The following CALN1 variants were observed in gnomAD, a reference collection of about 807,000 sequenced individuals.
CALN1 encodes calcium-binding protein 8.
A neutral mutation model predicts 30.6 loss-of-function variants in CALN1; 17 were observed. The ratio of observed to expected loss-of-function variants is 0.56; its 90% CI spans 0.38 to 0.83. The LOEUF (loss-of-function observed/expected upper bound fraction) is 0.83. Ranked by LOEUF, CALN1 falls within the 40% of genes least tolerant of loss-of-function variation. CALN1 has a pLI of 0.00. For missense variants in CALN1, 291 were observed against 354.9 expected (o/e 0.82, Z 1.45); for synonymous variants, 156 against 131.4 (o/e 1.19, Z -1.28).
At chr7:72,260,219 A>C (rs1171688988) in intron 3 of CALN1, among the ~76,000 whole-genome samples, 1 of 152,216 alleles carries the variant, frequency 6.6e-6, no homozygotes, top group Non-Finnish European at 1.5e-5. Context: ...AAAATATAAA[A>C]TAAAGCAAAA....
At chr7:72,056,455 A>C (rs1405484904) in intron 4 of CALN1, among the ~76,000 whole-genome samples, 1 of 152,180 alleles carries the variant, frequency 6.6e-6, no homozygotes, top group Non-Finnish European at 1.5e-5. Flanking sequence ...TTAGTTAACA[A>C]ATGGTGCTGA....
At chr7:72,106,612 G>A (rs565785839) in intron 3 of CALN1, among the ~76,000 whole-genome samples, 6 of 144,726 alleles carry the variant, frequency 4.1e-5, no homozygotes, top group African/African-American at 1.3e-4. Flanking sequence ...GGAATGAAGG[G>A]AGGAAAAAAG....
intron 5 of CALN1, among the ~76,000 whole-genome samples, chr7:71,894,684 G>C (rs1255224407): frequency 1.3e-5 from 2 of 152,136 alleles, no homozygotes; most frequent in East Asian, 3.8e-4. Context: ...AGAGCACAAT[G>C]ATCTATGCAT....
intron 3 of CALN1, among the ~76,000 whole-genome samples, chr7:72,140,726 C>A (rs1809866454): frequency 6.6e-6 from 1 of 152,172 alleles, no homozygotes; most frequent in South Asian, 2.1e-4. Flanking sequence ...CTGGGGTGGC[C>A]TTGGCAGGGC....
At chr7:71,790,681 TGA>T (rs1013099452) in intron 6 of CALN1, among the ~76,000 whole-genome samples, 2 of 152,234 alleles carry the variant, frequency 1.3e-5, no homozygotes, top group African/African-American at 2.4e-5. Flanking sequence ...CAGCGCCAGC[TGA>T]GAGTTTGATA....
chr7:72,328,986 C>A (rs1253736241), intron 2 of CALN1, among the ~76,000 whole-genome samples: 1 of 152,258 alleles, frequency 6.6e-6, no homozygotes, highest in Non-Finnish European at 1.5e-5. Context: ...CGTAAGCCAA[C>A]GTGCCCAGCC....
chr7:72,298,089 C>A (rs917480388), intron 2 of CALN1, among the ~76,000 whole-genome samples: 1 of 152,156 alleles, frequency 6.6e-6, no homozygotes, highest in African/African-American at 2.4e-5. Flanking sequence ...AATGTTCTTT[C>A]CACAGCATAA....
intron 5 of CALN1, among the ~76,000 whole-genome samples, chr7:71,919,842 G>A (rs1268621342): frequency 3.9e-5 from 6 of 152,186 alleles, no homozygotes; most frequent in African/African-American, 1.4e-4. Flanking sequence ...AGTTGAAGCT[G>A]AACTCAAACT....
At chr7:72,358,835 G>A (rs925677214) in intron 2 of CALN1, among the ~76,000 whole-genome samples, 1 of 151,932 alleles carries the variant, frequency 6.6e-6, no homozygotes, top group Non-Finnish European at 1.5e-5. Context: ...TATAATGCCT[G>A]TAATCCCAGC....
At chr7:72,487,947 AAGGAAGGAAAGGAAGG>A in the CALN1 span, among the ~76,000 whole-genome samples, 3 of 63,416 alleles carry the variant, frequency 4.7e-5, no homozygotes, top group African/African-American at 1.6e-4. Context: ...GGAAGGAAGG[AAGGAAGGAAAGGAAGG>A]AAGGAAGGAA....
intron 3 of CALN1, among the ~76,000 whole-genome samples, chr7:72,107,172 T>C (rs1036679827): frequency 1.3e-5 from 2 of 151,994 alleles, no homozygotes; most frequent in Admixed American, 6.6e-5. Flanking sequence ...AGATGAGGAT[T>C]TGGTTTCAGC....
intron 2 of CALN1, 35 bp from the exon 3 acceptor site, chr7:72,278,845 G>A: frequency 6.3e-7 from 1 of 1,586,256 alleles, no homozygotes. Flanking sequence ...GGAAAAGAAA[G>A]ACATCATCAT....
chr7:72,355,985 T>G (rs1451010845), intron 2 of CALN1, among the ~76,000 whole-genome samples: 1 of 152,176 alleles, frequency 6.6e-6, no homozygotes, highest in Admixed American at 6.5e-5. Context: ...TTAAAAAAAA[T>G]TATGGTTGTA....
chr7:71,851,078 C>T (rs1374721643), intron 5 of CALN1, among the ~76,000 whole-genome samples: 5 of 151,930 alleles, frequency 3.3e-5, no homozygotes, highest in Admixed American at 2.0e-4. Flanking sequence ...TAGCTAGGCA[C>T]GGTGGTGCAC....
At chr7:71,849,152 C>G (rs1026450288) in intron 5 of CALN1, among the ~76,000 whole-genome samples, 1 of 152,130 alleles carries the variant, frequency 6.6e-6, no homozygotes, top group African/African-American at 2.4e-5. Context: ...TGTGTTTAAT[C>G]TATGTGTGGC....
intron 1 of CALN1, among the ~76,000 whole-genome samples, chr7:72,426,153 G>C (rs528083535): frequency 6.6e-6 from 1 of 152,376 alleles, no homozygotes; most frequent in Admixed American, 6.5e-5. Flanking sequence ...CCCAGGGACT[G>C]TGTGGATGAG....
intron 3 of CALN1, among the ~76,000 whole-genome samples, chr7:72,228,927 AT>A (rs1212504623): frequency 1.7e-3 from 200 of 119,000 alleles, no homozygotes; most frequent in Middle Eastern, 9.6e-3. Flanking sequence ...ATGCCTGGCA[AT>A]TTTTTTTTTT....
rs547664113 is a variant in CALN1, at chr7:72,113,346, C to T, written c.245-7052G>A. The stretch of plus-strand genomic sequence containing the variant: ...TGGGATCTTTGCACACACTGGCTCC[C>T]CTTTGCCTTTCTCCACGGGTAGAAG... On this transcript the variant is annotated intron_variant, in intron 3 of 6. Transcript: ENST00000395275. 8.9e-4 allele frequency among the ~76,000 whole-genome samples: 136 copies of T among 152,298 alleles called. 1 individual carries two copies. The highest frequency in any genetic ancestry group is 5.2e-3 in the Admixed American group (80 of 15,298).
intron 2 of CALN1, among the ~76,000 whole-genome samples, chr7:72,379,026 C>T (rs562678936): frequency 2.0e-5 from 3 of 152,240 alleles, no homozygotes; most frequent in Admixed American, 2.0e-4. Context: ...ACCAACTTTC[C>T]ATTTCTGAGA....
Sources: gnomAD v4.1 joint callset for allele counts (sites outside exome capture counted in the v4.1 genomes callset) on GRCh38, gnomAD v4.1.1 for gene constraint, MANE v1.5 for transcripts, NCBI Gene and HGNC (gene_info 2026-07-23, HGNC 2026-07-21) for gene names.